Variants in XRCC1 observed in about 807,000 individuals in gnomAD.
XRCC1 encodes the protein X-ray repair cross complementing 1.
XRCC1 carries 52 observed loss-of-function variants against 83.3 expected under a neutral mutation model. The ratio of observed to expected loss-of-function variants is 0.62; its 90% CI spans 0.50 to 0.79. XRCC1 has a LOEUF of 0.79. XRCC1 is among the 30% of genes least tolerant of loss of function. XRCC1 has a pLI of 0.00. For missense variants in XRCC1, 793 were observed against 823.5 expected (o/e 0.96, Z 0.45); for synonymous variants, 281 against 312.6 (o/e 0.90, Z 1.07).
At chr19:43,567,362 G>A (rs1187991793) in intron 2 of XRCC1, among the ~76,000 whole-genome samples, 1 of 151,792 alleles carries the variant, frequency 6.6e-6, no homozygotes, top group East Asian at 1.9e-4. Context: ...GCCCAGGCTG[G>A]AGTGCAGTGG....
rs566556362 is a variant in XRCC1, at chr19:43,552,629, C to G, written c.823+168G>C. 2.0e-5 allele frequency among the ~76,000 whole-genome samples: 3 copies of G among 150,490 alleles called. No individual in the cohort carries two copies. The South Asian group carries it at 6.3e-4, about 32-fold the overall frequency. On this transcript the variant is annotated intron_variant, in intron 8 of 16. Transcript: ENST00000262887. ...CAGGGGTTTAGGCCCTCAGCCCCTC[C>G]TCCCTCGGATTCAGGAATCCAGGCC...
intron 11 of XRCC1, 52 bp downstream of exon 11, chr19:43,546,832 C>T (rs773639675): frequency 1.5e-5 from 24 of 1,605,068 alleles, no homozygotes; most frequent in Non-Finnish European, 2.0e-5. Context: ...CCACAGCGGA[C>T]TCATGTCATC....
chr19:43,569,285 C>T (rs1192178972), intron 2 of XRCC1, among the ~76,000 whole-genome samples: 1 of 151,938 alleles, frequency 6.6e-6, no homozygotes, highest in Non-Finnish European at 1.5e-5. Context: ...CCAGCCTAGA[C>T]AACACAGTGA....
chr19:43,551,716 G>T, intron 9 of XRCC1, 29 bp from the exon 10 acceptor site: 1 of 1,571,624 alleles, frequency 6.4e-7, no homozygotes, highest in Non-Finnish European at 8.8e-7. Flanking sequence ...GAAGATGCCA[G>T]TTAGGTGTGA....
rs1972606879 is a variant in XRCC1, at chr19:43,553,700, G to A, written c.415-17C>T. On this transcript the variant is annotated splice_polypyrimidine_tract_variant and intron_variant, in intron 4 of 16. Transcript: ENST00000262887. ...GGGGGAGTCCTGGGAAAGGAGGGGT[G>A]GGAGTCAGGGAGTCTGGCCCAAGGA... is the stretch of plus-strand genomic sequence containing the variant. 6.6e-7 allele frequency: 1 copy of A among 1,519,256 alleles called. No individual in the cohort carries two copies. The highest frequency in any genetic ancestry group is 1.3e-5 in the South Asian group (1 of 77,350). 94.1% of individuals were successfully genotyped at this position (1,519,256 alleles called of 1,614,324 possible).
chr19:43,553,808 A>T, intron 4 of XRCC1, 125 bp from the exon 5 acceptor site: 1 of 748,078 alleles, frequency 1.3e-6, no homozygotes, highest in South Asian at 2.2e-5. Flanking sequence ...ATGTTGAAGG[A>T]GGGGCCCTGG....
At chr19:43,551,747 G>A (rs570553061) in intron 9 of XRCC1, 60 bp from the exon 10 acceptor site, 3 of 1,208,578 alleles carry the variant, frequency 2.5e-6, no homozygotes, top group South Asian at 2.4e-5. Flanking sequence ...AAAGGGGAAC[G>A]AGACAGGGGA....
intron 3 of XRCC1, among the ~76,000 whole-genome samples, chr19:43,557,920 A>AT (rs1036071861): frequency 1.2e-4 from 18 of 150,892 alleles, no homozygotes; most frequent in Non-Finnish European, 1.8e-4. Context: ...GAGGTCAGTG[A>AT]TTTTTGTCAG....
intron 15 of XRCC1, 118 bp downstream of exon 15, chr19:43,544,026 T>C: frequency 2.0e-6 from 2 of 1,011,716 alleles, no homozygotes; most frequent in Non-Finnish European, 2.9e-6. Context: ...CTGCTGGGCA[T>C]GGCCCTTCTC....
chr19:43,547,507 A>G (rs2146044053), intron 10 of XRCC1, among the ~76,000 whole-genome samples: 1 of 141,368 alleles, frequency 7.1e-6, no homozygotes, highest in South Asian at 2.3e-4. Flanking sequence ...TTTAGACAAG[A>G]TCTCACTCTG....
intron 3 of XRCC1, among the ~76,000 whole-genome samples, chr19:43,559,479 CAAAAAAAAA>C (rs58121949): frequency 3.5e-5 from 2 of 56,528 alleles, no homozygotes; most frequent in African/African-American, 7.3e-5. Context: ...GACTCCATCT[CAAAAAAAAA>C]AAAAAAAAAA....
chr19:43,570,190 C>A (rs1284019682), intron 2 of XRCC1, among the ~76,000 whole-genome samples: 2 of 152,222 alleles, frequency 1.3e-5, no homozygotes, highest in Admixed American at 6.5e-5. Flanking sequence ...CAATAACAAT[C>A]AAAAATGACC....
chr19:43,554,079 T>TC (rs1368500423), intron 4 of XRCC1, among the ~76,000 whole-genome samples: 1 of 152,090 alleles, frequency 6.6e-6, no homozygotes, highest in Non-Finnish European at 1.5e-5. Flanking sequence ...GAAGTCTGGG[T>TC]CCCTGCACGA....
At chr19:43,551,730 G>T in intron 9 of XRCC1, 43 bp from the exon 10 acceptor site, 1 of 1,479,168 alleles carries the variant, frequency 6.8e-7, no homozygotes, top group Non-Finnish European at 9.5e-7. Flanking sequence ...GGTGTGATCT[G>T]AGGGGCAAAG....
At chr19:43,574,600 C>G (rs1045658102) in intron 2 of XRCC1, 8 of 317,542 alleles carry the variant, frequency 2.5e-5, no homozygotes, top group Non-Finnish European at 4.3e-5. Flanking sequence ...AGCCCTGAGC[C>G]CACTGGCTGC....
chr19:43,566,472 C>T (rs1972753964), intron 2 of XRCC1, among the ~76,000 whole-genome samples: 1 of 139,920 alleles, frequency 7.1e-6, no homozygotes, highest in Non-Finnish European at 1.5e-5. Flanking sequence ...GCGGAGGTTG[C>T]AGTGAGCCAA....
At chr19:43,571,381 G>C (rs1356299273) in intron 2 of XRCC1, among the ~76,000 whole-genome samples, 2 of 152,178 alleles carry the variant, frequency 1.3e-5, no homozygotes, top group East Asian at 3.8e-4. Context: ...CACTGCTCCA[G>C]CTCCAGCTGG....
Position 43,546,979 on chromosome 19 carries a change from TA to T in XRCC1, c.1200-3del, listed in dbSNP as rs1972518991. On this transcript the variant is annotated splice_region_variant and splice_polypyrimidine_tract_variant and intron_variant, in intron 10 of 16. Transcript: ENST00000262887. ...GAACCTGGCCCTGCCATGAGGTACC[TA>T]GGGGACAAATCGGGCCTCAGACAAA... The T allele has an allele frequency of 6.2e-7, 1 of 1,613,456 alleles. No homozygotes were observed. The highest frequency in any genetic ancestry group is 2.2e-5 in the East Asian group (1 of 44,870).
chr19:43,560,938 G>C lies in XRCC1; in HGVS notation c.227C>G (p.Ala76Gly), dbSNP rs764656518. 18 of 1,614,068 alleles carry C rather than the reference G, an allele frequency of 1.1e-5. No homozygotes were observed. Among genetic ancestry groups the C allele is most frequent in the Non-Finnish European group, 1.4e-5 (17 of 1,180,012 alleles). ...ATAGTCTTGCTCCCCAGCGCCTCCA[G>C]CTGAACTGCCCACCAGCACCTCCAC... ...AFVEVLVGSS[A>G]GGAGEQDYEV... The change falls in exon 3 of 17, where the codon GCT (alanine) becomes GGT (glycine). Residue 76 changes from alanine (A) to glycine (G), a missense_variant. By Grantham distance (60) the Ala-to-Gly change is moderately conservative. Coordinates refer to ENST00000262887, the MANE Select transcript of XRCC1 (RefSeq NM_006297.3).
Sources: gnomAD v4.1 joint callset for allele counts (sites outside exome capture counted in the v4.1 genomes callset) on GRCh38, gnomAD v4.1.1 for gene constraint, MANE v1.5 for transcripts, NCBI Gene and HGNC (gene_info 2026-07-23, HGNC 2026-07-21) for gene names.